The following TCEAL5 variants were observed in gnomAD, a reference collection of about 807,000 sequenced individuals.
TCEAL5 encodes transcription elongation factor A like 5, also known as transcription elongation factor A protein-like 5.
For synonymous variants in TCEAL5, 65 were observed against 61.2 expected (o/e 1.06, Z -0.29); for missense variants, 111 against 158.1 (o/e 0.70, Z 1.60).
Position 103,273,943 on chromosome X carries a change from T to C in TCEAL5, c.621A>G (p.Ter207=), listed in dbSNP as rs777408107. The stretch of plus-strand genomic sequence containing the variant: ...AAATCAGAATTAAAGGCCAAAGACA[T>C]TAAACATATGGGACATCTTCTAAGT... ...QKDLEDVPYV[*] Residue 207 remains the stop codon, a stop_retained_variant, in exon 3 of 3, where the codon TAA becomes TAG. Transcript: ENST00000372680. 2.5e-6 allele frequency: 3 copies of C among 1,209,251 alleles called. No individual in the cohort carries two copies. The highest frequency in any genetic ancestry group is 4.4e-5 in the Admixed American group (2 of 45,941).
chrX:103,274,971 G>A (rs1256612975), intron 2 of TCEAL5, among the ~76,000 whole-genome samples: 1 of 111,694 alleles, frequency 9.0e-6, no homozygotes, highest in Admixed American at 9.5e-5. Context: ...GCAGTTGTAA[G>A]ACTTATAAAA....
In TCEAL5 at chrX:103,274,303, C is replaced by T. The variant is rs1439161128; in HGVS notation, c.261G>A (p.Glu87=). Residue 87 remains glutamate (E), a synonymous_variant, in exon 3 of 3, where the codon GAG becomes GAA. Transcript: ENST00000372680. ...GCTTGGCCTGGGAGGCTGGCTTGCC[C>T]TCACTTTGTGGCTTGTCCTCACCTT... ...KSEGEDKPQS[E]GKPASQAKPE... 1 of 1,211,977 alleles carries T rather than the reference C, an allele frequency of 8.3e-7. No homozygotes were observed.
In TCEAL5 at chrX:103,273,797, G is replaced by A; in HGVS notation, c.*146C>T. ...TACTAAAAGACAGAGCACTGTAGTT[G>A]GGTCAAAAGTCTGCTGGTAACAAGA... On this transcript the variant is annotated 3_prime_UTR_variant, in exon 3 of 3. Coordinates refer to ENST00000372680, the MANE Select transcript of TCEAL5 (RefSeq NM_001012979.3). 1.2e-6 allele frequency: 1 copy of A among 866,991 alleles called. No individual in the cohort carries two copies. The highest frequency in any genetic ancestry group is 3.4e-5 in the East Asian group (1 of 29,197). 71.4% of individuals were successfully genotyped at this position (866,991 alleles called of 1,213,427 possible).
At position 103,273,775 on chromosome X, in the gene TCEAL5, T is replaced by C. The variant is rs1925497859; in HGVS notation, c.*168A>G. The C allele has an allele frequency of 7.2e-6, 5 of 698,493 alleles. No homozygotes were observed. The highest frequency in any genetic ancestry group is 1.0e-5 in the Non-Finnish European group (5 of 481,265). 57.6% of individuals were successfully genotyped at this position (698,493 alleles called of 1,213,427 possible). A position where few individuals can be genotyped will look rare whatever the true frequency, so the allele number is the denominator to read the frequency against. On this transcript the variant is annotated 3_prime_UTR_variant, in exon 3 of 3. Transcript: ENST00000372680. ...ATGCACATGGGTGAAAATCCTCTAC[T>C]AAAAGACAGAGCACTGTAGTTGGGT...
chrX:103,274,054 C>T lies in TCEAL5; in HGVS notation c.510G>A (p.Trp170Ter). 5 of 1,211,940 alleles carry T rather than the reference C, an allele frequency of 4.1e-6. No individual in the cohort carries two copies. The highest frequency in any genetic ancestry group is 5.6e-6 in the Non-Finnish European group (5 of 895,613). ...ATGGATCCTGTACATCTCTTTGCATCCAATGAAAACCACCCATTTTCTGTT... is the reference window on the plus strand; with the variant it reads ...ATGGATCCTGTACATCTCTTTGCATTCAATGAAAACCACCCATTTTCTGTT... ...RKKQKMGGFH[W>*]MQRDVQDPFA... Residue 170 changes from tryptophan to a stop codon, truncating the protein, a stop_gained, in exon 3 of 3, where the codon TGG (tryptophan) becomes TGA (stop). Transcript: ENST00000372680. LOFTEE classifies it high-confidence loss of function.
In TCEAL5 at chrX:103,274,188, C is replaced by G; in HGVS notation, c.376G>C (p.Asp126His). The change falls in exon 3 of 3, where the codon GAT becomes CAT. Residue 126 changes from aspartate to histidine, a missense_variant. By Grantham distance (81) the Asp-to-His change is moderately conservative. Coordinates refer to ENST00000372680, the MANE Select transcript of TCEAL5 (RefSeq NM_001012979.3). ...AKRKTDRGTD[D>H]SPKDSQEDLQ... is the part of the protein sequence containing the mutation. ...TCCTCCTGAGAGTCCTTGGGGGAAT[C>G]GTCCGTCCCCCTGTCGGTTTTTCTT... 8.3e-7 allele frequency: 1 copy of G among 1,211,866 alleles called. No homozygotes were observed.
intron 2 of TCEAL5, 61 bp downstream of exon 2, chrX:103,275,214 G>A (rs1925536994): frequency 9.0e-6 from 1 of 111,694 alleles, no homozygotes; most frequent in Non-Finnish European, 1.9e-5. Flanking sequence ...CCCAACTTCT[G>A]CTCTGGCTTA....
intron 1 of TCEAL5, among the ~76,000 whole-genome samples, chrX:103,276,164 G>A (rs1326782134): frequency 9.0e-6 from 1 of 111,158 alleles, no homozygotes; most frequent in Non-Finnish European, 1.9e-5. Flanking sequence ...CCGTTTTCTC[G>A]CCGTTTCGTC....
At position 103,274,625 on chromosome X, in the gene TCEAL5, G is replaced by A. The variant is rs1925524117; in HGVS notation, c.-27-35C>T. On this transcript the variant is annotated intron_variant, in intron 2 of 2. Coordinates refer to ENST00000372680, the MANE Select transcript of TCEAL5 (RefSeq NM_001012979.3). ...AAAAAGAAGACACAGGACACTGAGG[G>A]CTTTGGGGGTTGAACACAGGTCCTT... 6 of 1,135,622 alleles carry A rather than the reference G, an allele frequency of 5.3e-6. No homozygotes were observed. The East Asian group carries it at 1.2e-4, about 23-fold the overall frequency. The allele number at this position is 1,135,622 out of a possible 1,213,427, so 93.6% of individuals were successfully genotyped here.
chrX:103,273,733 C>T lies in TCEAL5; in HGVS notation c.*210G>A, dbSNP rs1449400894. 2.9e-5 allele frequency: 15 copies of T among 508,596 alleles called. No individual in the cohort carries two copies. In the African/African-American group the frequency reaches 3.1e-4, roughly 11 times the overall value. 41.9% of individuals were successfully genotyped at this position (508,596 alleles called of 1,213,427 possible). ...TTTTTTATTGTTATTTTACAATGTA[C>T]CATGAACATTTATTCCATGCACATG... On this transcript the variant is annotated 3_prime_UTR_variant, in exon 3 of 3. Transcript: ENST00000372680.
At chrX:103,275,678 A>T (rs910108154) in intron 1 of TCEAL5, among the ~76,000 whole-genome samples, 2 of 111,129 alleles carry the variant, frequency 1.8e-5, no homozygotes, top group Non-Finnish European at 3.8e-5. Context: ...GTTCTGATGC[A>T]CTCAGATCTC....
intron 2 of TCEAL5, 75 bp from the exon 3 acceptor site, chrX:103,274,665 TCTTAA>T (rs1412734147): frequency 3.9e-6 from 4 of 1,021,360 alleles, no homozygotes; most frequent in African/African-American, 3.8e-5. Flanking sequence ...TACTTGTCTT[TCTTAA>T]CTTAGGGTTT....
rs1440712725 is a variant in TCEAL5, at chrX:103,273,899, G to A, written c.*44C>T. ...AATGCCTGCCAGGAAAAGCAGGACT[G>A]GCAATATTCCCATCAGAGAAATCAG... On this transcript the variant is annotated 3_prime_UTR_variant, in exon 3 of 3. Transcript: ENST00000372680. 2.5e-6 allele frequency: 3 copies of A among 1,189,092 alleles called. No individual in the cohort carries two copies. The South Asian group carries it at 5.6e-5, about 22-fold the overall frequency.
chrX:103,275,412 T>C (rs1364375380), intron 1 of TCEAL5, 70 bp from the exon 2 acceptor site: 2 of 111,984 alleles, frequency 1.8e-5, no homozygotes, highest in South Asian at 3.8e-4. Context: ...ACTTGGACAC[T>C]GGTTCTTTGG....
chrX:103,273,958 A>G lies in TCEAL5; in HGVS notation c.606T>C (p.Asp202=). The part of the protein sequence containing the change: ...GGGRGQKDLE[D]VPYV Reference sequence around the variant, plus strand: ...GCCAAAGACATTAAACATATGGGACATCTTCTAAGTCTTTCTGGCCCCTAC... The same window carrying G: ...GCCAAAGACATTAAACATATGGGACGTCTTCTAAGTCTTTCTGGCCCCTAC... The change falls in exon 3 of 3, where the codon GAT becomes GAC. Residue 202 remains aspartate (D), a synonymous_variant. Transcript: ENST00000372680. The G allele has an allele frequency of 1.7e-6, 2 of 1,211,171 alleles. No homozygotes were observed. Among genetic ancestry groups the G allele is most frequent in the South Asian group, 1.8e-5 (1 of 56,782 alleles).
In TCEAL5 at chrX:103,274,404, G is replaced by T. The variant is rs776359933; in HGVS notation, c.160C>A (p.Arg54=). 9.8e-5 allele frequency: 119 copies of T among 1,208,507 alleles called. No homozygotes were observed. The highest frequency in any genetic ancestry group is 2.3e-4 in the Middle Eastern group (1 of 4,366). The change falls in exon 3 of 3, where the codon CGA becomes AGA. Residue 54 remains arginine (R), a synonymous_variant. Transcript: ENST00000372680. ...TCACCTGGCTCTCCCTCATCCTCTCGCTTTCCCTCGCATTCTGTCTTCCCC... is the reference window on the plus strand; with the variant it reads ...TCACCTGGCTCTCCCTCATCCTCTCTCTTTCCCTCGCATTCTGTCTTCCCC... ...MEGKTECEGK[R]EDEGEPGDEG... is the part of the protein sequence containing the mutation.
chrX:103,276,737 A>G lies in TCEAL5; in HGVS notation c.-160T>C, dbSNP rs955625849. 15 of 111,107 alleles carry G rather than the reference A, an allele frequency of 1.4e-4. No homozygotes were observed. The highest frequency in any genetic ancestry group is 4.9e-4 in the African/African-American group (15 of 30,446). 9.2% of individuals were successfully genotyped at this position (111,107 alleles called of 1,213,427 possible). On this transcript the variant is annotated 5_prime_UTR_variant, in exon 1 of 3. Transcript: ENST00000372680. ...TCTGAAGTCTGCCTTCCTCCACGGA[A>G]ACAGGGATCTGGTACCTGGAGGAGA...
intron 2 of TCEAL5, 84 bp from the exon 3 acceptor site, chrX:103,274,674 A>G: frequency 1.0e-6 from 1 of 979,508 alleles, no homozygotes; most frequent in Admixed American, 3.2e-5. Context: ...TTCTTAACTT[A>G]GGGTTTTCCT....
In TCEAL5 at chrX:103,274,319, T is replaced by C. The variant is rs759589545; in HGVS notation, c.245A>G (p.Asp82Gly). 2.5e-6 allele frequency: 3 copies of C among 1,211,596 alleles called. No homozygotes were observed. Among genetic ancestry groups the C allele is most frequent in the African/African-American group, 1.7e-5 (1 of 57,721 alleles). ...QEKQGKSEGE[D>G]KPQSEGKPAS... is the part of the protein sequence containing the mutation. ...TGGCTTGCCCTCACTTTGTGGCTTGTCCTCACCTTCAGACTTGCCCTGCTT... is the reference window on the plus strand; with the variant it reads ...TGGCTTGCCCTCACTTTGTGGCTTGCCCTCACCTTCAGACTTGCCCTGCTT... Residue 82 changes from aspartate to glycine, a missense_variant, in exon 3 of 3, where the codon GAC (aspartate) becomes GGC (glycine). Transcript: ENST00000372680.
Sources: gnomAD v4.1 joint callset for allele counts (sites outside exome capture counted in the v4.1 genomes callset) on GRCh38, gnomAD v4.1.1 for gene constraint, MANE v1.5 for transcripts, NCBI Gene and HGNC (gene_info 2026-07-23, HGNC 2026-07-21) for gene names.